FHIT: variants seen among roughly 807,000 people sequenced by gnomAD.
FHIT encodes the protein fragile histidine triad diadenosine triphosphatase, also known as bis(5'-adenosyl)-triphosphatase.
FHIT carries 19 observed loss-of-function variants against 17.9 expected under a neutral mutation model. The observed-to-expected ratio is 1.06, with a 90% CI of 0.74 to 1.56. FHIT has a LOEUF of 1.56. FHIT is among the 40% of genes most tolerant of loss of function. FHIT has a pLI of 0.00. For missense variants in FHIT, 248 were observed against 189.2 expected (o/e 1.31, Z -1.82); for synonymous variants, 81 against 69.7 (o/e 1.16, Z -0.81).
intron 5 of FHIT, among the ~76,000 whole-genome samples, chr3:60,212,334 G>A (rs1703492047): frequency 6.6e-6 from 1 of 152,112 alleles, no homozygotes; most frequent in African/African-American, 2.4e-5. Flanking sequence ...CAAGTGGTAT[G>A]CTTTGGTAGA....
chr3:60,265,822 AAG>A (rs1706545330), intron 5 of FHIT, among the ~76,000 whole-genome samples: 3 of 151,968 alleles, frequency 2.0e-5, no homozygotes, highest in Admixed American at 2.0e-4. Flanking sequence ...CGCAAATGAA[AAG>A]ATACTCAGCA....
chr3:60,262,054 T>A (rs1330007610), intron 5 of FHIT, among the ~76,000 whole-genome samples: 1 of 152,046 alleles, frequency 6.6e-6, no homozygotes, highest in East Asian at 1.9e-4. Flanking sequence ...CTTTGGGTCT[T>A]CATTTTGGAA....
intron 8 of FHIT, among the ~76,000 whole-genome samples, chr3:59,870,461 C>A (rs1278298909): frequency 6.6e-6 from 1 of 152,106 alleles, no homozygotes; most frequent in Non-Finnish European, 1.5e-5. Context: ...AAAATAAAAT[C>A]ATAGTAAAGA....
intron 5 of FHIT, among the ~76,000 whole-genome samples, chr3:60,251,372 G>A (rs1576370701): frequency 6.6e-6 from 1 of 152,150 alleles, no homozygotes; most frequent in Non-Finnish European, 1.5e-5. Context: ...CCACTGTTCA[G>A]TGATGGCTTT....
intron 2 of FHIT, among the ~76,000 whole-genome samples, chr3:61,088,255 T>G (rs548567523): frequency 1.3e-5 from 2 of 152,268 alleles, no homozygotes; most frequent in South Asian, 4.1e-4. Context: ...AATATTACTA[T>G]AATAGAAGGG....
intron 4 of FHIT, among the ~76,000 whole-genome samples, chr3:60,714,339 C>A (rs1553706059): frequency 1.3e-5 from 2 of 152,004 alleles, no homozygotes; most frequent in African/African-American, 2.4e-5. Flanking sequence ...ACTGAATGGG[C>A]AAAAACCGGA....
chr3:59,787,080 T>A (rs1378846748), intron 8 of FHIT, among the ~76,000 whole-genome samples: 1 of 152,234 alleles, frequency 6.6e-6, no homozygotes, highest in Non-Finnish European at 1.5e-5. Flanking sequence ...GTGTTTACTA[T>A]GTGTTAGGTA....
intron 5 of FHIT, among the ~76,000 whole-genome samples, chr3:60,368,413 C>G (rs1461549461): frequency 6.6e-6 from 1 of 151,778 alleles, no homozygotes; most frequent in African/African-American, 2.4e-5. Flanking sequence ...TTTTAATGGA[C>G]TTATTGGCAT....
rs554495347 is a variant in FHIT, at chr3:60,647,800, AG to A, written c.-17-110822del. On this transcript the variant is annotated intron_variant, in intron 4 of 9. Coordinates refer to ENST00000492590, the MANE Select transcript of FHIT (RefSeq NM_002012.4). Reference sequence around the variant, plus strand: ...GAAATATGTAGAATACATACAATGCAGAAAATTATTGCAAAGGAGGAAAAAG... The same window carrying A: ...GAAATATGTAGAATACATACAATGCAAAAATTATTGCAAAGGAGGAAAAAG... 2.8e-3 allele frequency among the ~76,000 whole-genome samples: 431 copies of A among 152,376 alleles called. 3 individuals carry two copies. The highest frequency in any genetic ancestry group is 3.1e-3 in the Non-Finnish European group (208 of 68,036).
intron 2 of FHIT, among the ~76,000 whole-genome samples, chr3:61,172,934 G>A (rs1025803762): frequency 2.6e-5 from 4 of 152,218 alleles, no homozygotes; most frequent in South Asian, 2.1e-4. Flanking sequence ...TATCCTAAAC[G>A]AGTAAAGCAG....
chr3:61,151,742 A>C (rs1431840948), intron 2 of FHIT, among the ~76,000 whole-genome samples: 1 of 150,958 alleles, frequency 6.6e-6, no homozygotes, highest in Non-Finnish European at 1.5e-5. Context: ...TGATTTTTGT[A>C]TTTTCAGTAG....
In FHIT at chr3:60,952,173, C is replaced by T. The variant is rs927660930; in HGVS notation, c.-111+89874G>A. On this transcript the variant is annotated intron_variant, in intron 3 of 9. Coordinates refer to ENST00000492590, the MANE Select transcript of FHIT (RefSeq NM_002012.4). Reference sequence around the variant, plus strand: ...GAGCAAAACTCCGTCCTCCCCACCCCCCCCCCAAAAAAAAAAAAGAGATTC... The same window carrying T: ...GAGCAAAACTCCGTCCTCCCCACCCTCCCCCCAAAAAAAAAAAAGAGATTC... Among the ~76,000 whole-genome samples, 190 of 135,052 alleles carry T rather than the reference C, an allele frequency of 1.4e-3. 3 individuals carry two copies. Among genetic ancestry groups the T allele is most frequent in the African/African-American group, 5.2e-3 (174 of 33,344 alleles). The allele number at this position is 135,052 out of a possible 152,430, so 88.6% of individuals were successfully genotyped here.
chr3:60,339,620 G>A (rs1037606357), intron 5 of FHIT, among the ~76,000 whole-genome samples: 1 of 152,138 alleles, frequency 6.6e-6, no homozygotes, highest in African/African-American at 2.4e-5. Context: ...TCAGAAAGAA[G>A]AATCCCATCT....
intron 3 of FHIT, among the ~76,000 whole-genome samples, chr3:60,926,788 CA>C (rs1707642587): frequency 6.6e-6 from 1 of 151,982 alleles, no homozygotes; most frequent in African/African-American, 2.4e-5. Flanking sequence ...AAAAGATCAA[CA>C]AAATTGATAG....
At chr3:60,063,967 GTATAT>G (rs1702396699) in intron 5 of FHIT, among the ~76,000 whole-genome samples, 1 of 152,198 alleles carries the variant, frequency 6.6e-6, no homozygotes, top group Non-Finnish European at 1.5e-5. Context: ...TGTGAAGAAT[GTATAT>G]AATATGCCAT....
intron 8 of FHIT, among the ~76,000 whole-genome samples, chr3:59,818,853 CT>C (rs1226673749): frequency 6.6e-6 from 1 of 152,186 alleles, no homozygotes; most frequent in Non-Finnish European, 1.5e-5. Flanking sequence ...CACAGAAATG[CT>C]TTCCTTCCCA....
chr3:60,874,753 C>G (rs1246108940), intron 3 of FHIT, among the ~76,000 whole-genome samples: 2 of 152,104 alleles, frequency 1.3e-5, no homozygotes, highest in South Asian at 2.1e-4. Context: ...CTAATCATGG[C>G]ATATGGCAGG....
chr3:60,318,591 A>G (rs146890961), intron 5 of FHIT, among the ~76,000 whole-genome samples: 8 of 152,322 alleles, frequency 5.3e-5, no homozygotes, highest in Non-Finnish European at 1.0e-4. Context: ...GGTCAAGACC[A>G]CAATGACTGA....
intron 3 of FHIT, among the ~76,000 whole-genome samples, chr3:60,862,852 A>G (rs1032423290): frequency 5.8e-4 from 44 of 75,348 alleles, no homozygotes; most frequent in African/African-American, 3.4e-3. Context: ...ACTCCCTCTC[A>G]AAAAAAAAAA....
Sources: allele counts gnomAD v4.1 joint callset (sites outside exome capture counted in the v4.1 genomes callset), GRCh38; gene constraint gnomAD v4.1.1; transcripts MANE v1.5; gene names NCBI Gene and HGNC (gene_info 2026-07-23, HGNC 2026-07-21).